The following PAK1 variants were observed in gnomAD, a reference collection of about 807,000 sequenced individuals.
The protein encoded by PAK1 is serine/threonine-protein kinase PAK 1.
In PAK1, 29 loss-of-function variants were observed where a neutral mutation model predicts 67.4. The ratio of observed to expected loss-of-function variants is 0.43; its 90% CI spans 0.32 to 0.59. PAK1 has a LOEUF of 0.59. PAK1 is among the 20% of genes least tolerant of loss of function. The probability of loss-of-function intolerance (pLI) is 0.07; values close to 1 mark genes in which losing one functional copy is unlikely to be tolerated. For synonymous variants in PAK1, 223 were observed against 237.4 expected (o/e 0.94, Z 0.56); for missense variants, 337 against 670.7 (o/e 0.50, Z 5.50).
At chr11:77,407,161 G>C (rs1216233986) in intron 1 of PAK1, among the ~76,000 whole-genome samples, 1 of 152,172 alleles carries the variant, frequency 6.6e-6, no homozygotes, top group African/African-American at 2.4e-5. Context: ...GTAAGTGGTA[G>C]AACCAGGATT....
intron 1 of PAK1, among the ~76,000 whole-genome samples, chr11:77,430,745 A>C (rs1182914317): frequency 1.3e-5 from 2 of 152,226 alleles, no homozygotes; most frequent in Non-Finnish European, 1.5e-5. Flanking sequence ...ATGGGGACAA[A>C]TAATTGTTGT....
the PAK1 span, among the ~76,000 whole-genome samples, chr11:77,488,105 T>C: frequency 6.6e-6 from 1 of 152,126 alleles, no homozygotes; most frequent in Non-Finnish European, 1.5e-5. Context: ...TGGGAGAAAG[T>C]AAAGGAAGGG....
chr11:77,386,086 C>T (rs1402667574), intron 2 of PAK1, among the ~76,000 whole-genome samples: 1 of 152,106 alleles, frequency 6.6e-6, no homozygotes, highest in East Asian at 1.9e-4. Flanking sequence ...TCCAACCTCA[C>T]CCATCCCAAC....
chr11:77,516,578 G>A, the PAK1 span, among the ~76,000 whole-genome samples: 2 of 152,144 alleles, frequency 1.3e-5, no homozygotes, highest in Non-Finnish European at 2.9e-5. Context: ...TGTGAGATAA[G>A]GACTCTTTTG....
chr11:77,344,442 A>G (rs1944097997), intron 9 of PAK1, among the ~76,000 whole-genome samples: 1 of 152,236 alleles, frequency 6.6e-6, no homozygotes. Flanking sequence ...GATCAGGTTA[A>G]GAAAGAAGAG....
the PAK1 span, among the ~76,000 whole-genome samples, chr11:77,508,784 T>C: frequency 1.3e-5 from 2 of 150,446 alleles, no homozygotes; most frequent in Admixed American, 6.6e-5. Flanking sequence ...CTCAGCCTCC[T>C]GAGTAGCTGG....
At chr11:77,446,625 T>A (rs534611940) in intron 1 of PAK1, among the ~76,000 whole-genome samples, 2 of 152,080 alleles carry the variant, frequency 1.3e-5, no homozygotes, top group Non-Finnish European at 2.9e-5. Flanking sequence ...TCCTCTCATG[T>A]ACTTTCATGG....
intron 2 of PAK1, among the ~76,000 whole-genome samples, chr11:77,381,154 T>A (rs2137125361): frequency 7.2e-6 from 1 of 138,604 alleles, no homozygotes; most frequent in Non-Finnish European, 1.6e-5. Flanking sequence ...TGTGTGTGTG[T>A]GTGTGTGTGT....
intron 2 of PAK1, among the ~76,000 whole-genome samples, chr11:77,383,321 ATT>A (rs1162924725): frequency 2.5e-4 from 34 of 135,592 alleles, no homozygotes; most frequent in East Asian, 2.1e-4. Flanking sequence ...GTACTGTGTA[ATT>A]TTTTTTTTTT....
intron 14 of PAK1, among the ~76,000 whole-genome samples, chr11:77,323,881 G>A (rs779493980): frequency 2.2e-4 from 34 of 152,152 alleles, no homozygotes; most frequent in Non-Finnish European, 3.8e-4. Context: ...CCTAACCATG[G>A]TGATAATCAG....
intron 1 of PAK1, chr11:77,455,738 C>G (rs1048853188): frequency 1.3e-5 from 2 of 152,158 alleles, no homozygotes; most frequent in African/African-American, 4.8e-5. Flanking sequence ...TATCATATTC[C>G]CATGACACCT....
chr11:77,469,071 C>T (rs1056058976), intron 1 of PAK1, among the ~76,000 whole-genome samples: 1 of 152,028 alleles, frequency 6.6e-6, no homozygotes, highest in East Asian at 1.9e-4. Context: ...AAAAACATAC[C>T]AAATGGAAAC....
At chr11:77,406,345 G>C (rs1953561041) in intron 1 of PAK1, among the ~76,000 whole-genome samples, 2 of 152,206 alleles carry the variant, frequency 1.3e-5, no homozygotes, top group South Asian at 4.1e-4. Context: ...GCATCATCAT[G>C]AGTTGTAATT....
chr11:77,527,892 C>T, the PAK1 span, among the ~76,000 whole-genome samples: 1 of 152,028 alleles, frequency 6.6e-6, no homozygotes, highest in Non-Finnish European at 1.5e-5. Context: ...GTCACCCAGG[C>T]TGGAGTGCAT....
At chr11:77,368,719 T>C (rs558790666) in intron 5 of PAK1, among the ~76,000 whole-genome samples, 1 of 152,274 alleles carries the variant, frequency 6.6e-6, no homozygotes, top group African/African-American at 2.4e-5. Context: ...TGCAGTGGCA[T>C]GATCTCGGCT....
chr11:77,380,950 T>C (rs1949727700), intron 2 of PAK1, among the ~76,000 whole-genome samples: 1 of 152,200 alleles, frequency 6.6e-6, no homozygotes, highest in Admixed American at 6.5e-5. Context: ...ACAACACTTG[T>C]TACCCAGCAC....
chr11:77,437,244 G>A (rs955764011), intron 1 of PAK1, among the ~76,000 whole-genome samples: 13 of 152,116 alleles, frequency 8.5e-5, no homozygotes, highest in African/African-American at 3.1e-4. Flanking sequence ...AGTATTAAAT[G>A]AGATAACATA....
Position 77,334,573 on chromosome 11 carries a change from GCT to G in PAK1, c.1413+1511_1413+1512del, listed in dbSNP as rs1420105611. ...AACCTATTTGCACCTGTGTTGAGAT[GCT>G]CTGTTACAAGGGATAAATTGTCCAT... is the stretch of plus-strand genomic sequence containing the variant. On this transcript the variant is annotated intron_variant, in intron 13 of 14. Coordinates refer to ENST00000356341, the MANE Select transcript of PAK1 (RefSeq NM_002576.5). Among the ~76,000 whole-genome samples, 6 of 152,176 alleles carry G rather than the reference GCT, an allele frequency of 3.9e-5. No homozygotes were observed. The East Asian group carries it at 9.6e-4, about 24-fold the overall frequency.
At chr11:77,493,470 T>C in the PAK1 span, among the ~76,000 whole-genome samples, 1 of 143,724 alleles carries the variant, frequency 7.0e-6, no homozygotes, top group Admixed American at 6.9e-5. Flanking sequence ...TTTTTTTTTT[T>C]TTTTAGTAGA....
Sources: gnomAD v4.1 joint callset for allele counts (sites outside exome capture counted in the v4.1 genomes callset) on GRCh38, gnomAD v4.1.1 for gene constraint, MANE v1.5 for transcripts, NCBI Gene and HGNC (gene_info 2026-07-23, HGNC 2026-07-21) for gene names.